SRD5A1: variants seen among roughly 807,000 people sequenced by gnomAD.
SRD5A1 encodes the protein steroid 5 alpha-reductase 1, also known as 3-oxo-5-alpha-steroid 4-dehydrogenase 1.
SRD5A1 carries 22 observed loss-of-function variants against 28.2 expected under a neutral mutation model. That is an observed-to-expected ratio of 0.78 (90% confidence interval 0.56 to 1.12). The LOEUF is 1.12. Among genes scored for constraint, SRD5A1 ranks in the 50% most tolerant of loss-of-function variants. The pLI, the probability that SRD5A1 is intolerant of heterozygous loss-of-function variation, is 0.00. For missense variants in SRD5A1, 300 were observed against 346.7 expected, an observed-to-expected ratio of 0.87 and a Z score of 1.07; for synonymous variants, 151 against 135.0, an observed-to-expected ratio of 1.12 and a Z score of -0.82.
intron 1 of SRD5A1, among the ~76,000 whole-genome samples, chr5:6,642,406 T>C (rs947641143): frequency 4.6e-5 from 7 of 152,238 alleles, no homozygotes; most frequent in African/African-American, 1.7e-4. Flanking sequence ...TATCTTCCTA[T>C]GGAAGATTAG....
At chr5:6,647,988 G>C (rs1281976032) in intron 1 of SRD5A1, among the ~76,000 whole-genome samples, 1 of 152,132 alleles carries the variant, frequency 6.6e-6, no homozygotes, top group Non-Finnish European at 1.5e-5. Flanking sequence ...CTCAGCATTT[G>C]CTTGTCTGTA....
chr5:6,659,792 C>A (rs1009981132), intron 3 of SRD5A1, among the ~76,000 whole-genome samples: 1 of 152,146 alleles, frequency 6.6e-6, no homozygotes. Context: ...TTTGGAGTCC[C>A]TCATGTAAAA....
intron 1 of SRD5A1, among the ~76,000 whole-genome samples, chr5:6,648,415 G>C (rs1344688058): frequency 6.6e-6 from 1 of 152,164 alleles, no homozygotes; most frequent in African/African-American, 2.4e-5. Context: ...TCAGGTACAA[G>C]AGTCAAACGT....
intron 1 of SRD5A1, among the ~76,000 whole-genome samples, chr5:6,648,807 T>C (rs565566849): frequency 9.2e-5 from 14 of 152,364 alleles, no homozygotes; most frequent in Admixed American, 9.1e-4. Context: ...GTTCCCTTGC[T>C]GGCAAGGAGT....
intron 1 of SRD5A1, among the ~76,000 whole-genome samples, chr5:6,647,289 G>T (rs1452295748): frequency 6.6e-6 from 1 of 152,170 alleles, no homozygotes; most frequent in Admixed American, 6.5e-5. Context: ...ATGTCTACTA[G>T]GTCCACTTGA....
intron 3 of SRD5A1, among the ~76,000 whole-genome samples, chr5:6,656,486 T>C (rs1322913200): frequency 6.6e-6 from 1 of 152,178 alleles, no homozygotes; most frequent in Non-Finnish European, 1.5e-5. Context: ...TCTAGCAGTA[T>C]AATGGAATAG....
intron 1 of SRD5A1, among the ~76,000 whole-genome samples, chr5:6,638,134 A>G (rs113361741): frequency 5.3e-5 from 8 of 152,124 alleles, no homozygotes; most frequent in Admixed American, 4.6e-4. Context: ...AGGTCAGGAG[A>G]TCAAGACCGT....
intron 1 of SRD5A1, among the ~76,000 whole-genome samples, chr5:6,645,832 A>G (rs1373363092): frequency 6.6e-6 from 1 of 151,998 alleles, no homozygotes; most frequent in Non-Finnish European, 1.5e-5. Context: ...CAGTTTCACA[A>G]TCTATTTTTT....
intron 4 of SRD5A1, among the ~76,000 whole-genome samples, chr5:6,666,314 AT>A (rs1234536175): frequency 6.6e-5 from 10 of 152,030 alleles, no homozygotes; most frequent in South Asian, 4.1e-4. Context: ...TGCCCGGCTA[AT>A]TTTTTTGTAT....
At chr5:6,664,674 A>G (rs1005620424) in intron 4 of SRD5A1, among the ~76,000 whole-genome samples, 5 of 152,242 alleles carry the variant, frequency 3.3e-5, no homozygotes, top group Admixed American at 6.5e-5. Flanking sequence ...CTGAAGTGCT[A>G]GGATTCGAGG....
chr5:6,641,261 G>A (rs763904782), intron 1 of SRD5A1, among the ~76,000 whole-genome samples: 4 of 152,198 alleles, frequency 2.6e-5, no homozygotes, highest in Non-Finnish European at 4.4e-5. Flanking sequence ...TAAAAGCCAT[G>A]CCCAGACACC....
At chr5:6,664,508 G>C (rs1222943974) in intron 4 of SRD5A1, among the ~76,000 whole-genome samples, 2 of 152,126 alleles carry the variant, frequency 1.3e-5, no homozygotes, top group East Asian at 3.9e-4. Context: ...AGGCTCAGGT[G>C]ATCTTCCCAC....
At chr5:6,658,517 G>A (rs759457923) in intron 3 of SRD5A1, among the ~76,000 whole-genome samples, 21 of 152,196 alleles carry the variant, frequency 1.4e-4, no homozygotes, top group East Asian at 5.8e-4. Flanking sequence ...GCTTCCTGAC[G>A]GCCTGTGGCC....
intron 3 of SRD5A1, among the ~76,000 whole-genome samples, chr5:6,662,160 C>T (rs539776560): frequency 2.0e-5 from 3 of 152,364 alleles, no homozygotes; most frequent in South Asian, 2.1e-4. Flanking sequence ...GGCTGGCCCT[C>T]ACCTGCAAGC....
intron 3 of SRD5A1, 76 bp from the exon 4 acceptor site, chr5:6,662,736 GGTAA>G (rs1218708023): frequency 6.8e-7 from 1 of 1,463,672 alleles, no homozygotes; most frequent in Non-Finnish European, 9.4e-7. Context: ...ATGTTCTCCA[GGTAA>G]GTATTCACTA....
intron 1 of SRD5A1, among the ~76,000 whole-genome samples, chr5:6,636,598 G>T (rs543665412): frequency 6.6e-6 from 1 of 152,314 alleles, no homozygotes; most frequent in East Asian, 1.9e-4. Context: ...AGTCCATGAG[G>T]CCTGAAGGCA....
chr5:6,666,308 C>T (rs753823724), intron 4 of SRD5A1, among the ~76,000 whole-genome samples: 24 of 152,150 alleles, frequency 1.6e-4, no homozygotes, highest in South Asian at 1.0e-3. Context: ...CCACCATGCC[C>T]GGCTAATTTT....
intron 2 of SRD5A1, among the ~76,000 whole-genome samples, chr5:6,653,762 C>T (rs1441543082): frequency 6.6e-6 from 1 of 152,108 alleles, no homozygotes; most frequent in Non-Finnish European, 1.5e-5. Flanking sequence ...ACAGAAGAAC[C>T]CTCCTGTTTA....
In SRD5A1 at chr5:6,667,786, T is replaced by C. The variant is rs1419765381; in HGVS notation, c.714-416T>C. On this transcript the variant is annotated intron_variant, in intron 4 of 4. Coordinates refer to ENST00000274192, the MANE Select transcript of SRD5A1 (RefSeq NM_001047.4). The stretch of plus-strand genomic sequence containing the variant: ...GGTGCCCACTCTACACACCCTGGGC[T>C]AGGCCAGTAGTTCCCAACTGCAGGC... 2.0e-5 allele frequency among the ~76,000 whole-genome samples: 3 copies of C among 152,202 alleles called. No individual in the cohort carries two copies. The South Asian group carries it at 6.2e-4, about 32-fold the overall frequency.
Sources: gnomAD v4.1 joint callset for allele counts (sites outside exome capture counted in the v4.1 genomes callset) on GRCh38, gnomAD v4.1.1 for gene constraint, MANE v1.5 for transcripts, NCBI Gene and HGNC (gene_info 2026-07-23, HGNC 2026-07-21) for gene names.